DLG2: variants seen among roughly 807,000 people sequenced by gnomAD.
DLG2 encodes the protein discs large MAGUK scaffold protein 2.
A neutral mutation model predicts 132.5 loss-of-function variants in DLG2; 45 were observed. That is an observed-to-expected ratio of 0.34 (90% CI 0.27 to 0.44). The LOEUF (loss-of-function observed/expected upper bound fraction) is 0.44. Ranked by LOEUF, DLG2 falls within the 20% of genes least tolerant of loss-of-function variation. The pLI is 1.00. For missense variants in DLG2, 1,045 were observed against 1,196.9 expected (o/e 0.87, Z 1.87); for synonymous variants, 424 against 419.6 (o/e 1.01, Z -0.13).
intron 9 of DLG2, among the ~76,000 whole-genome samples, chr11:84,142,028 G>A (rs138546973): frequency 6.6e-6 from 1 of 152,000 alleles, no homozygotes; most frequent in African/African-American, 2.4e-5. Context: ...TGCTGGCCGG[G>A]CATGATGGCT....
intron 6 of DLG2, among the ~76,000 whole-genome samples, chr11:84,853,971 A>G (rs2082465665): frequency 6.6e-6 from 1 of 152,038 alleles, no homozygotes; most frequent in Non-Finnish European, 1.5e-5. Flanking sequence ...GAAATGTGGT[A>G]TGTGAGCTCT....
intron 3 of DLG2, among the ~76,000 whole-genome samples, chr11:85,303,624 G>A (rs1332086095): frequency 6.6e-6 from 1 of 152,148 alleles, no homozygotes; most frequent in Non-Finnish European, 1.5e-5. Context: ...TCATGTATCA[G>A]AGTTGATACT....
At chr11:84,827,750 A>T (rs1200544441) in intron 6 of DLG2, among the ~76,000 whole-genome samples, 1 of 150,396 alleles carries the variant, frequency 6.6e-6, no homozygotes, top group East Asian at 2.0e-4. Context: ...ACCAAGAGCC[A>T]TTTTTTTCTA....
intron 9 of DLG2, among the ~76,000 whole-genome samples, chr11:84,110,239 C>T (rs994372930): frequency 2.6e-5 from 4 of 152,042 alleles, no homozygotes; most frequent in African/African-American, 4.8e-5. Flanking sequence ...AACAGAAGTG[C>T]GGGTTGAGAA....
intron 8 of DLG2, among the ~76,000 whole-genome samples, chr11:84,245,658 A>T (rs1236808057): frequency 6.6e-6 from 1 of 152,060 alleles, no homozygotes; most frequent in Admixed American, 6.5e-5. Context: ...TGTTTCTTTT[A>T]CTTCTCAGTG....
At chr11:84,616,018 CA>C (rs2099603813) in intron 6 of DLG2, among the ~76,000 whole-genome samples, 1 of 151,620 alleles carries the variant, frequency 6.6e-6, no homozygotes, top group Non-Finnish European at 1.5e-5. Context: ...CATTAGTAAG[CA>C]AAGGAATATC....
chr11:83,698,009 T>G (rs1353615220), intron 18 of DLG2, among the ~76,000 whole-genome samples: 1 of 152,200 alleles, frequency 6.6e-6, no homozygotes, highest in Non-Finnish European at 1.5e-5. Context: ...CAGACTGGCT[T>G]GATTGTCATC....
intron 6 of DLG2, among the ~76,000 whole-genome samples, chr11:84,770,375 T>C (rs1044720403): frequency 1.3e-5 from 2 of 152,134 alleles, no homozygotes; most frequent in African/African-American, 4.8e-5. Context: ...ACTCATGTCA[T>C]ATGGGTTTGT....
At chr11:84,247,526 C>T (rs1453405340) in intron 8 of DLG2, among the ~76,000 whole-genome samples, 2 of 152,026 alleles carry the variant, frequency 1.3e-5, no homozygotes, top group Non-Finnish European at 2.9e-5. Flanking sequence ...ATAGGGATTC[C>T]TGCTTTGCAT....
chr11:83,936,850 G>T (rs1335667548), intron 14 of DLG2, among the ~76,000 whole-genome samples: 1 of 152,146 alleles, frequency 6.6e-6, no homozygotes, highest in Admixed American at 6.5e-5. Flanking sequence ...TCTGTTTTTG[G>T]TATTGGGTGA....
At chr11:85,522,517 C>T (rs749266318) in intron 3 of DLG2, among the ~76,000 whole-genome samples, 3 of 152,142 alleles carry the variant, frequency 2.0e-5, no homozygotes, top group Non-Finnish European at 4.4e-5. Context: ...ATAGTAGATC[C>T]ACCAACAGCT....
At chr11:84,923,727 A>G (rs553427120) in intron 6 of DLG2, 19 of 301,036 alleles carry the variant, frequency 6.3e-5, no homozygotes, top group Non-Finnish European at 8.8e-5. Flanking sequence ...CATGTGGAAC[A>G]GGACCAGGAC....
In DLG2 at chr11:85,396,542, C is replaced by T. The variant is rs192255079; in HGVS notation, c.41-111177G>A. On this transcript the variant is annotated intron_variant, in intron 3 of 27. Transcript: ENST00000376104. ...CTAAAAACCTTGAAAAAAGGTTAGA[C>T]GATTGGCTAACTAAAATAAACAGTG... 2.3e-3 allele frequency among the ~76,000 whole-genome samples: 352 copies of T among 152,168 alleles called. 4 individuals carry two copies. Among genetic ancestry groups the T allele is most frequent in the Non-Finnish European group, 2.8e-3 (193 of 68,008 alleles).
intron 7 of DLG2, among the ~76,000 whole-genome samples, chr11:84,270,399 T>C (rs1003966892): frequency 6.6e-5 from 10 of 152,332 alleles, no homozygotes; most frequent in Non-Finnish European, 1.3e-4. Flanking sequence ...GGATCTAATA[T>C]GTGAAATCAA....
At position 84,513,164 on chromosome 11, in the gene DLG2, ATAAAT is replaced by A. The variant is rs537010853; in HGVS notation, c.519+21401_519+21405del. Reference sequence around the variant, plus strand: ...TTAAAGTAAAATAATAATAAAATAAATAAATTAAAAGAAATTGAAGAGGACACAAA... The same window carrying A: ...TTAAAGTAAAATAATAATAAAATAAATAAAAGAAATTGAAGAGGACACAAA... On this transcript the variant is annotated intron_variant, in intron 7 of 27. Coordinates refer to ENST00000376104, the MANE Select transcript of DLG2 (RefSeq NM_001142699.3). Among the ~76,000 whole-genome samples the A allele has an allele frequency of 2.8e-3, 420 of 152,150 alleles. 1 individual carries two copies. The highest frequency in any genetic ancestry group is 4.6e-3 in the Non-Finnish European group (312 of 67,954).
intron 6 of DLG2, among the ~76,000 whole-genome samples, chr11:84,961,378 A>G (rs1321114756): frequency 1.3e-5 from 2 of 152,082 alleles, no homozygotes; most frequent in East Asian, 1.9e-4. Flanking sequence ...AAGCAGAGTG[A>G]TCAACCCAGC....
chr11:85,491,242 C>T (rs1447746071), intron 3 of DLG2, among the ~76,000 whole-genome samples: 3 of 151,946 alleles, frequency 2.0e-5, no homozygotes, highest in Non-Finnish European at 4.4e-5. Context: ...TAAAAACTCT[C>T]GAATTAGGCA....
At chr11:84,115,772 A>G (rs1017145737) in intron 9 of DLG2, among the ~76,000 whole-genome samples, 1 of 152,096 alleles carries the variant, frequency 6.6e-6, no homozygotes, top group Non-Finnish European at 1.5e-5. Context: ...TTCCTATCTT[A>G]TCACCCTATT....
In DLG2 at chr11:83,961,799, G is replaced by A. The variant is rs553866941; in HGVS notation, c.1340+1086C>T. Among the ~76,000 whole-genome samples, 191 of 152,078 alleles carry A rather than the reference G, an allele frequency of 1.3e-3. 2 individuals are homozygous for A. The highest frequency in any genetic ancestry group is 2.3e-3 in the South Asian group (11 of 4,820). Reference sequence around the variant, plus strand: ...GAGAGCCGTGAGGATTATCTTTGCCGCAGCCCTCATTTTAATTAAGAGCAT... The same window carrying A: ...GAGAGCCGTGAGGATTATCTTTGCCACAGCCCTCATTTTAATTAAGAGCAT... On this transcript the variant is annotated intron_variant, in intron 14 of 27. Coordinates refer to ENST00000376104, the MANE Select transcript of DLG2 (RefSeq NM_001142699.3).
Sources: gnomAD v4.1 joint callset for allele counts (sites outside exome capture counted in the v4.1 genomes callset) on GRCh38, gnomAD v4.1.1 for gene constraint, MANE v1.5 for transcripts, NCBI Gene and HGNC (gene_info 2026-07-23, HGNC 2026-07-21) for gene names.